MALRD1: variants seen among roughly 807,000 people sequenced by gnomAD.
The protein encoded by MALRD1 is MAM and LDL receptor class A domain containing 1.
MALRD1 carries 247 observed loss-of-function variants against 242.1 expected under a neutral mutation model. The ratio of observed to expected loss-of-function variants is 1.02; its 90% CI spans 0.92 to 1.13. The LOEUF (loss-of-function observed/expected upper bound fraction) is 1.13. MALRD1 is among the 50% of genes most tolerant of loss of function. MALRD1 has a pLI of 0.00. For missense variants in MALRD1, 2,989 were observed against 2,533.1 expected (o/e 1.18, Z -3.86); for synonymous variants, 995 against 866.6 (o/e 1.15, Z -2.60).
At chr10:19,292,892 C>CAA (rs57002523) in intron 21 of MALRD1, among the ~76,000 whole-genome samples, 10,983 of 72,358 alleles carry the variant, frequency 0.15, 800 homozygotes, top group South Asian at 0.33. Flanking sequence ...GACTCTGCCT[C>CAA]AAAAAAAAAA....
chr10:19,069,303 A>T (rs1386290732), intron 2 of MALRD1, among the ~76,000 whole-genome samples: 1 of 152,072 alleles, frequency 6.6e-6, no homozygotes, highest in Non-Finnish European at 1.5e-5. Context: ...ATATTATGAA[A>T]CATGTACGCT....
At chr10:19,579,235 T>C (rs1836982685) in intron 33 of MALRD1, among the ~76,000 whole-genome samples, 1 of 152,174 alleles carries the variant, frequency 6.6e-6, no homozygotes, top group Non-Finnish European at 1.5e-5. Context: ...GGAAGGTCTC[T>C]AATAGACAAT....
chr10:19,059,867 A>G (rs1263007173), intron 1 of MALRD1, among the ~76,000 whole-genome samples: 1 of 152,128 alleles, frequency 6.6e-6, no homozygotes, highest in Non-Finnish European at 1.5e-5. Context: ...GTTTTTTCCC[A>G]AACCAATGAA....
At chr10:19,445,635 C>A (rs1834929331) in intron 28 of MALRD1, among the ~76,000 whole-genome samples, 1 of 152,178 alleles carries the variant, frequency 6.6e-6, no homozygotes, top group African/African-American at 2.4e-5. Context: ...TGCAGAATGG[C>A]AAATGGTGCT....
At chr10:19,128,556 C>G (rs928391990) in intron 8 of MALRD1, among the ~76,000 whole-genome samples, 169 bp downstream of exon 8, 1 of 152,042 alleles carries the variant, frequency 6.6e-6, no homozygotes, top group African/African-American at 2.4e-5. Context: ...AGGGGACACT[C>G]TCATGTACAA....
intron 34 of MALRD1, among the ~76,000 whole-genome samples, chr10:19,596,287 T>TTATTTTA (rs901651104): frequency 6.6e-6 from 1 of 152,192 alleles, no homozygotes; most frequent in African/African-American, 2.4e-5. Context: ...GCTTCCTTAC[T>TTATTTTA]TATTTTATAT....
chr10:19,578,398 G>A (rs1484569130), intron 33 of MALRD1, among the ~76,000 whole-genome samples: 2 of 152,126 alleles, frequency 1.3e-5, no homozygotes, highest in Non-Finnish European at 2.9e-5. Flanking sequence ...TGGGATTAGA[G>A]AAATAACCAG....
At chr10:19,102,914 T>C (rs1836320038) in intron 4 of MALRD1, among the ~76,000 whole-genome samples, 2 of 151,886 alleles carry the variant, frequency 1.3e-5, no homozygotes, top group African/African-American at 4.8e-5. Context: ...AGTGGTGCGA[T>C]CTCTGCTCAC....
chr10:19,060,422 G>A (rs551206995), intron 1 of MALRD1, among the ~76,000 whole-genome samples: 15 of 152,076 alleles, frequency 9.9e-5, no homozygotes, highest in Admixed American at 7.2e-4. Flanking sequence ...TCTATTTTCC[G>A]GAAATCAGGT....
At position 19,107,565 on chromosome 10, in the gene MALRD1, C is replaced by CTTT. The variant is rs201379420; in HGVS notation, c.694+3502_694+3504dup. Reference sequence around the variant, plus strand: ...TCTTCTAGGCAGCATATAATTTGGTCTTTTTTTTTTTTTTAATCTACTCAT... The same window carrying CTTT: ...TCTTCTAGGCAGCATATAATTTGGTCTTTTTTTTTTTTTTTTTAATCTACTCAT... On this transcript the variant is annotated intron_variant, in intron 5 of 39. Coordinates refer to ENST00000454679, the MANE Select transcript of MALRD1 (RefSeq NM_001142308.3). Among the ~76,000 whole-genome samples, 323 of 132,304 alleles carry CTTT rather than the reference C, an allele frequency of 2.4e-3. 1 individual carries two copies. Among genetic ancestry groups the CTTT allele is most frequent in the African/African-American group, 8.3e-3 (310 of 37,130 alleles). 86.8% of individuals were successfully genotyped at this position (132,304 alleles called of 152,430 possible). A position where few individuals can be genotyped will look rare whatever the true frequency, so the allele number is the denominator to read the frequency against.
intron 18 of MALRD1, among the ~76,000 whole-genome samples, chr10:19,211,498 GCC>G (rs1837065400): frequency 6.6e-6 from 1 of 151,670 alleles, no homozygotes; most frequent in African/African-American, 2.4e-5. Flanking sequence ...ATCAAGACCA[GCC>G]TGGGCAACAA....
rs1188780175 is a variant in MALRD1, at chr10:19,530,458, TAATAATA to T, written c.5321-729_5321-723del. ...TATATAATATATAATATATAATATA[TAATAATA>T]AATAATTATATAATATTTATATAAA... is the stretch of plus-strand genomic sequence containing the variant. On this transcript the variant is annotated intron_variant, in intron 31 of 39. Transcript: ENST00000454679. Among the ~76,000 whole-genome samples, 14 of 52,446 alleles carry T rather than the reference TAATAATA, an allele frequency of 2.7e-4. 1 individual carries two copies. The highest frequency in any genetic ancestry group is 5.5e-4 in the South Asian group (1 of 1,810). 34.4% of individuals were successfully genotyped at this position (52,446 alleles called of 152,430 possible).
intron 8 of MALRD1, among the ~76,000 whole-genome samples, chr10:19,129,070 G>T (rs564290069): frequency 1.3e-5 from 2 of 152,144 alleles, no homozygotes; most frequent in Admixed American, 1.3e-4. Context: ...CAGCAATTCA[G>T]TTCTCTAGTG....
At chr10:19,548,210 A>T (rs1589227321) in intron 32 of MALRD1, among the ~76,000 whole-genome samples, 1 of 151,358 alleles carries the variant, frequency 6.6e-6, no homozygotes, top group Non-Finnish European at 1.5e-5. Context: ...TGTTGGTCAG[A>T]CTGATCTCGA....
intron 2 of MALRD1, among the ~76,000 whole-genome samples, chr10:19,082,819 A>G (rs1164748018): frequency 6.6e-6 from 1 of 151,958 alleles, no homozygotes; most frequent in Non-Finnish European, 1.5e-5. Context: ...AGTCTCTTAG[A>G]TGTCACTGTC....
rs1174655088 is a variant in MALRD1 at position 19,707,803 on chromosome 10, A to C, written c.6314+15249A>C. Among the ~76,000 whole-genome samples the C allele has an allele frequency of 4.2e-5, 5 of 120,020 alleles. 1 individual carries two copies. Among genetic ancestry groups the C allele is most frequent in the Non-Finnish European group, 5.7e-5 (3 of 52,756 alleles). The allele number at this position is 120,020 out of a possible 152,430, so 78.7% of individuals were successfully genotyped here. ...ATCTGTACTAAAAAAAAAAAAAAAAAAAAAATACAAAAATTGGCCAGGCAT... is the reference window on the plus strand; with the variant it reads ...ATCTGTACTAAAAAAAAAAAAAAAACAAAAATACAAAAATTGGCCAGGCAT... On this transcript the variant is annotated intron_variant, in intron 38 of 39. Coordinates refer to ENST00000454679, the MANE Select transcript of MALRD1 (RefSeq NM_001142308.3).
intron 4 of MALRD1, among the ~76,000 whole-genome samples, chr10:19,100,278 C>G: frequency 6.6e-6 from 1 of 152,154 alleles, no homozygotes; most frequent in East Asian, 1.9e-4. Context: ...ATGTTCCTTC[C>G]TGCTAGGCTA....
intron 28 of MALRD1, among the ~76,000 whole-genome samples, chr10:19,446,345 A>T (rs1432728156): frequency 7.9e-5 from 12 of 152,176 alleles, no homozygotes; most frequent in Admixed American, 5.9e-4. Context: ...ATGCAGAAAA[A>T]TACATTCTTG....
intron 2 of MALRD1, among the ~76,000 whole-genome samples, chr10:19,083,127 T>C (rs1835547529): frequency 1.3e-5 from 2 of 152,034 alleles, no homozygotes. Context: ...CTTCAAAGAT[T>C]ATGTTTCCAC....
Sources: gnomAD v4.1 joint callset for allele counts (sites outside exome capture counted in the v4.1 genomes callset) on GRCh38, gnomAD v4.1.1 for gene constraint, MANE v1.5 for transcripts, NCBI Gene and HGNC (gene_info 2026-07-23, HGNC 2026-07-21) for gene names.